OXNAD1: variants seen among roughly 807,000 people sequenced by gnomAD.
OXNAD1 encodes the protein oxidoreductase NAD binding domain containing 1, also known as oxidoreductase NAD-binding domain-containing protein 1.
OXNAD1 carries 34 observed loss-of-function variants against 32.9 expected under a neutral mutation model. The observed-to-expected ratio is 1.03, with a 90% CI of 0.79 to 1.38. The LOEUF is 1.38. OXNAD1 is among the 40% of genes most tolerant of loss of function. The pLI is 0.00. For synonymous variants in OXNAD1, 134 were observed against 135.2 expected, an observed-to-expected ratio of 0.99 and a Z score of 0.06; for missense variants, 407 against 379.4, an observed-to-expected ratio of 1.07 and a Z score of -0.60.
In OXNAD1 at chr3:16,305,245, T is replaced by C. The variant is rs1006819854; in HGVS notation, c.*1683T>C. The C allele has an allele frequency of 9.9e-5, 15 of 152,190 alleles. No homozygotes were observed. Among genetic ancestry groups the C allele is most frequent in the African/African-American group, 3.1e-4 (13 of 41,418 alleles). 9.4% of individuals were successfully genotyped at this position (152,190 alleles called of 1,614,324 possible). A position where few individuals can be genotyped will look rare whatever the true frequency, so the allele number is the denominator to read the frequency against. On this transcript the variant is annotated 3_prime_UTR_variant, in exon 9 of 9. Coordinates refer to ENST00000285083, the MANE Select transcript of OXNAD1 (RefSeq NM_138381.5). The surrounding 1 kb of genome is among the most constrained non-coding windows in gnomAD (Gnocchi z 4.5). ...GGAAAGTACCTAACCCAGACCTCTC[T>C]GCATTAGGAGTGGAGGTGCAAAGTG...
Position 16,345,264 on chromosome 3 carries a change from T to TGTG in OXNAD1, c.*31-3912_*31-3911insGTG, listed in dbSNP as rs1553725944. On this transcript the variant is annotated intron_variant, in intron 9 of 9. Coordinates refer to the OXNAD1 transcript ENST00000606098. This position sits in a 1 kb window ranked among gnomAD's most constrained non-coding sequence, Gnocchi z 5.2. ...AAACTGTAAGATAATAAGTAGGTGG[T>TGTG]TGTGTGTGTGTGTGTGTGTGTGTGT... is the stretch of plus-strand genomic sequence containing the variant. 2.1e-5 allele frequency: 3 copies of TGTG among 145,838 alleles called. No homozygotes were observed. Among genetic ancestry groups the TGTG allele is most frequent in the African/African-American group, 5.3e-5 (2 of 37,754 alleles). The allele number at this position is 145,838 out of a possible 1,614,324, so 9.0% of individuals were successfully genotyped here.
Position 16,345,904 on chromosome 3 carries a change from A to G in OXNAD1, c.*31-3272A>G, listed in dbSNP as rs1306134679. ...CTGTTTTACTGGAGAACCCTAATAC[A>G]CTTCTTTCTTGTTGTTCTGTGGCAT... is the stretch of plus-strand genomic sequence containing the variant. On this transcript the variant is annotated intron_variant, in intron 9 of 9. Coordinates refer to the OXNAD1 transcript ENST00000606098. This position sits in a 1 kb window ranked among gnomAD's most constrained non-coding sequence, Gnocchi z 5.2. 1.3e-5 allele frequency: 2 copies of G among 151,562 alleles called. No homozygotes were observed. Among genetic ancestry groups the G allele is most frequent in the African/African-American group, 4.9e-5 (2 of 41,188 alleles). The allele number at this position is 151,562 out of a possible 1,614,324, so 9.4% of individuals were successfully genotyped here.
Position 16,303,642 on chromosome 3 carries a change from T to G in OXNAD1, c.*80T>G. ...TGTCCTTTGTGGCATGATTAATTTT[T>G]TTTATCTCTACTTGAGTTGTCTTAT... On this transcript the variant is annotated 3_prime_UTR_variant, in exon 9 of 9. Transcript: ENST00000285083. This position sits in a 1 kb window ranked among gnomAD's most constrained non-coding sequence, Gnocchi z 4.8. 7 of 1,438,948 alleles carry G rather than the reference T, an allele frequency of 4.9e-6. No homozygotes were observed. The South Asian group carries it at 8.5e-5, about 18-fold the overall frequency. 89.1% of individuals were successfully genotyped at this position (1,438,948 alleles called of 1,614,324 possible).
In OXNAD1 at chr3:16,298,799, A is replaced by C. The variant is rs2066979565; in HGVS notation, c.433-2827A>C. ...TTGCTGTGGAAAGGTTGTTTATTTC[A>C]CAAGTAGAAAATCTATACCAAAATT... On this transcript the variant is annotated intron_variant, in intron 6 of 8. Coordinates refer to ENST00000285083, the MANE Select transcript of OXNAD1 (RefSeq NM_138381.5). This position sits in a 1 kb window ranked among gnomAD's most constrained non-coding sequence, Gnocchi z 5.1. Among the ~76,000 whole-genome samples, 1 of 152,210 alleles carries C rather than the reference A, an allele frequency of 6.6e-6. No homozygotes were observed. The highest frequency in any genetic ancestry group is 1.5e-5 in the Non-Finnish European group (1 of 68,042).
rs904820916 is a variant in OXNAD1 at position 16,329,887 on chromosome 3, C to T, written c.*31-7225C>T. On this transcript the variant is annotated intron_variant, in intron 9 of 9. Coordinates refer to the OXNAD1 transcript ENST00000435829. This position sits in a 1 kb window ranked among gnomAD's most constrained non-coding sequence, Gnocchi z 4.5. ...AGTCCTTTTATTGGTGGCTGCATCT[C>T]GGGCCAGGTTTTCTCTGCGGGCACC... Among the ~76,000 whole-genome samples the T allele has an allele frequency of 2.6e-5, 4 of 152,228 alleles. No individual in the cohort carries two copies. Among genetic ancestry groups the T allele is most frequent in the African/African-American group, 4.8e-5 (2 of 41,538 alleles).
At chr3:16,293,666 C>T (rs2066573522) in intron 5 of OXNAD1, among the ~76,000 whole-genome samples, 2 of 151,564 alleles carry the variant, frequency 1.3e-5, no homozygotes, top group South Asian at 2.1e-4. Context: ...TTCTTGTTTA[C>T]TCACTTTGGC....
At chr3:16,343,550 A>T (rs2071449023) in intron 9 of OXNAD1, among the ~76,000 whole-genome samples, 1 of 152,132 alleles carries the variant, frequency 6.6e-6, no homozygotes, top group African/African-American at 2.4e-5. Flanking sequence ...GATGTTTCTC[A>T]TCAAATATGG....
intron 9 of OXNAD1, among the ~76,000 whole-genome samples, chr3:16,313,909 A>G (rs1242057660): frequency 6.6e-6 from 1 of 152,168 alleles, no homozygotes; most frequent in Admixed American, 6.5e-5. Flanking sequence ...AGCAGATTAG[A>G]TAAGAATTCT....
chr3:16,270,286 T>C (rs1215230313), intron 2 of OXNAD1, among the ~76,000 whole-genome samples: 2 of 152,242 alleles, frequency 1.3e-5, no homozygotes, highest in East Asian at 3.8e-4. Context: ...TATCTGTTCT[T>C]TGGGGTCTGG....
chr3:16,329,335 G>A lies in OXNAD1; in HGVS notation c.*31-7777G>A, dbSNP rs897448943. Among the ~76,000 whole-genome samples, 1 of 147,860 alleles carries A rather than the reference G, an allele frequency of 6.8e-6. No individual in the cohort carries two copies. The highest frequency in any genetic ancestry group is 2.1e-4 in the South Asian group (1 of 4,764). On this transcript the variant is annotated intron_variant, in intron 9 of 9. Coordinates refer to the OXNAD1 transcript ENST00000435829. This position sits in a 1 kb window ranked among gnomAD's most constrained non-coding sequence, Gnocchi z 4.5. ...AGCACAAGTGGACCGAGACAGGGCG[G>A]AAGTGGAGAAAGGGAAAGGGAAAGA... is the stretch of plus-strand genomic sequence containing the variant.
Position 16,271,540 on chromosome 3 carries a change from T to G in OXNAD1, c.120-119T>G. 1 of 854,168 alleles carries G rather than the reference T, an allele frequency of 1.2e-6. No individual in the cohort carries two copies. Among genetic ancestry groups the G allele is most frequent in the Non-Finnish European group, 1.7e-6 (1 of 583,018 alleles). The allele number at this position is 854,168 out of a possible 1,614,324, so 52.9% of individuals were successfully genotyped here. On this transcript the variant is annotated intron_variant, in intron 3 of 8. Transcript: ENST00000285083. The surrounding 1 kb of genome is among the most constrained non-coding windows in gnomAD (Gnocchi z 4.6). ...TAGACGGGCAGATACTCACTGGCCATTTTATAGGATCTGTAATGTTACACT... is the reference window on the plus strand; with the variant it reads ...TAGACGGGCAGATACTCACTGGCCAGTTTATAGGATCTGTAATGTTACACT...
chr3:16,302,015 A>T lies in OXNAD1; in HGVS notation c.675+147A>T. On this transcript the variant is annotated intron_variant, in intron 7 of 8. Coordinates refer to ENST00000285083, the MANE Select transcript of OXNAD1 (RefSeq NM_138381.5). This position sits in a 1 kb window ranked among gnomAD's most constrained non-coding sequence, Gnocchi z 4.2. ...ATCATGCTTAAATGAGAACTAACCAACACACCTTACCCAAGACAAGTAAAA... is the reference window on the plus strand; with the variant it reads ...ATCATGCTTAAATGAGAACTAACCATCACACCTTACCCAAGACAAGTAAAA... 1 of 1,026,526 alleles carries T rather than the reference A, an allele frequency of 9.7e-7. No individual in the cohort carries two copies. Among genetic ancestry groups the T allele is most frequent in the East Asian group, 2.6e-5 (1 of 38,626 alleles). The allele number at this position is 1,026,526 out of a possible 1,614,324, so 63.6% of individuals were successfully genotyped here. A position where few individuals can be genotyped will look rare whatever the true frequency, so the allele number is the denominator to read the frequency against.
intron 1 of OXNAD1, among the ~76,000 whole-genome samples, chr3:16,266,403 AGACCAGCCT>A (rs1202196571): frequency 6.6e-6 from 1 of 152,136 alleles, no homozygotes; most frequent in Non-Finnish European, 1.5e-5. Flanking sequence ...CAGGAATACG[AGACCAGCCT>A]GACCAACATG....
At chr3:16,272,018 T>TTAGC in intron 4 of OXNAD1, 1 of 508,722 alleles carries the variant, frequency 2.0e-6, no homozygotes, top group South Asian at 2.0e-5. Context: ...GGGTTATGTT[T>TTAGC]TAGCACTAGA....
rs1040803680 is a variant in OXNAD1 at position 16,348,824 on chromosome 3, A to G, written c.*31-352A>G. Among the ~76,000 whole-genome samples, 15 of 152,282 alleles carry G rather than the reference A, an allele frequency of 9.9e-5. 2 individuals are homozygous for G. Among genetic ancestry groups the G allele is most frequent in the East Asian group, 3.9e-4 (2 of 5,180 alleles). ...AGTCCAGCCCACCTGCCCCACTGGG[A>G]AGCAGGAGGACTGGTTTTGGTCCAA... On this transcript the variant is annotated intron_variant, in intron 9 of 9. Coordinates refer to the OXNAD1 transcript ENST00000606098. The surrounding 1 kb of genome is among the most constrained non-coding windows in gnomAD (Gnocchi z 6.3).
chr3:16,330,170 A>G (rs2070167946), intron 9 of OXNAD1, among the ~76,000 whole-genome samples: 1 of 152,236 alleles, frequency 6.6e-6, no homozygotes, highest in Non-Finnish European at 1.5e-5. Context: ...TGAAGGTTCA[A>G]TCTCACGTGT....
At chr3:16,311,379 A>T (rs2067975356) in intron 9 of OXNAD1, among the ~76,000 whole-genome samples, 1 of 152,052 alleles carries the variant, frequency 6.6e-6, no homozygotes, top group East Asian at 1.9e-4. Flanking sequence ...TTTAATAGAG[A>T]CAGGGTTTCA....
chr3:16,326,939 G>C, intron 9 of OXNAD1: 1 of 1,281,274 alleles, frequency 7.8e-7, no homozygotes, highest in Non-Finnish European at 1.1e-6. Flanking sequence ...GGCAATGAGA[G>C]GGGACTATTC....
At chr3:16,283,293 CTT>C (rs2065874383) in intron 4 of OXNAD1, among the ~76,000 whole-genome samples, 1 of 152,100 alleles carries the variant, frequency 6.6e-6, no homozygotes, top group African/African-American at 2.4e-5. Context: ...GAAGGAATGA[CTT>C]TGGTGGATTT....
Sources: allele counts gnomAD v4.1 joint callset (sites outside exome capture counted in the v4.1 genomes callset), GRCh38; gene constraint gnomAD v4.1.1; non-coding constraint Gnocchi (gnomAD v3.1); transcripts MANE v1.5; gene names NCBI Gene and HGNC (gene_info 2026-07-23, HGNC 2026-07-21).